The following ASPH variants were observed in gnomAD, a reference collection of about 807,000 sequenced individuals.
The protein encoded by ASPH is aspartyl/asparaginyl beta-hydroxylase.
Under a neutral mutation model 118.4 loss-of-function variants are expected in ASPH, and 100 were observed. That is an observed-to-expected ratio of 0.84 (90% CI 0.72 to 1.00). The LOEUF is 1.00. ASPH is among the 50% of genes least tolerant of loss of function. The pLI is 0.00. For missense variants in ASPH, 920 were observed against 919.5 expected (o/e 1.00, Z -0.01); for synonymous variants, 315 against 325.6 (o/e 0.97, Z 0.35).
chr8:61,646,497 C>T (rs981009952), intron 6 of ASPH, among the ~76,000 whole-genome samples: 1 of 152,060 alleles, frequency 6.6e-6, no homozygotes, highest in Non-Finnish European at 1.5e-5. Context: ...TATAGTAAAA[C>T]TAGTTTCCTC....
rs1369189748 is a variant in ASPH at position 61,567,238 on chromosome 8, G to T, written c.1230C>A (p.Ser410Arg). The T allele has an allele frequency of 1.9e-6, 3 of 1,613,886 alleles. No individual in the cohort carries two copies. The highest frequency in any genetic ancestry group is 2.5e-6 in the Non-Finnish European group (3 of 1,180,006). Residue 410 changes from serine (S) to arginine (R), a missense_variant, in exon 17 of 25, where the codon AGC (serine) becomes AGA (arginine). Transcript: ENST00000379454. The part of the protein sequence containing the change: ...GAIETYQEVA[S>R]LPDVPADLLK... ...GCAGGTCTGCAGGGACATCAGGTAG[G>T]CTGGCCACCTCTTGGTAGGTCTCGA...
Position 61,500,772 on chromosome 8 carries a change from A to AAAG in ASPH, c.*2584_*2586dup, listed in dbSNP as rs1472950611. 3.3e-5 allele frequency: 5 copies of AAAG among 152,234 alleles called. No individual in the cohort carries two copies. Among genetic ancestry groups the AAAG allele is most frequent in the Non-Finnish European group, 7.3e-5 (5 of 68,030 alleles). 9.4% of individuals were successfully genotyped at this position (152,234 alleles called of 1,614,324 possible). A position where few individuals can be genotyped will look rare whatever the true frequency, so the allele number is the denominator to read the frequency against. The stretch of plus-strand genomic sequence containing the variant: ...TTATTAGTATTACCAGTTGGTGCTC[A>AAAG]AAGTCAAACAAAAATATTTTAGTTA... On this transcript the variant is annotated 3_prime_UTR_variant, in exon 25 of 25. Transcript: ENST00000379454.
chr8:61,689,598 A>C, intron 1 of ASPH: 1 of 1,407,740 alleles, frequency 7.1e-7, no homozygotes. Context: ...ATTTTAACAG[A>C]GCACCACTGA....
chr8:61,518,314 C>T (rs1003197100), intron 22 of ASPH, among the ~76,000 whole-genome samples, 191 bp from the exon 23 acceptor site: 4 of 152,208 alleles, frequency 2.6e-5, no homozygotes, highest in Non-Finnish European at 4.4e-5. Context: ...GAAGACGTGT[C>T]TTGCTCCAAT....
chr8:61,646,706 A>C lies in ASPH; in HGVS notation c.619+44T>G, dbSNP rs149922715. On this transcript the variant is annotated intron_variant, in intron 6 of 24. Transcript: ENST00000379454. ...AGAAAAACTTCAGTAATTAGAAGTC[A>C]TTGATTATATTTTATCCTAAAACTT... 12 of 1,569,770 alleles carry C rather than the reference A, an allele frequency of 7.6e-6. No homozygotes were observed. In the African/African-American group the frequency reaches 1.4e-4, roughly 18 times the overall value.
chr8:61,541,204 T>G (rs905988812), intron 21 of ASPH, among the ~76,000 whole-genome samples: 1 of 150,258 alleles, frequency 6.7e-6, no homozygotes, highest in Non-Finnish European at 1.5e-5. Flanking sequence ...TAATTCATAT[T>G]AAAAAAAAAA....
Position 61,501,942 on chromosome 8 carries a change from T to G in ASPH, c.*1417A>C, listed in dbSNP as rs1481485326. On this transcript the variant is annotated 3_prime_UTR_variant, in exon 25 of 25. Coordinates refer to ENST00000379454, the MANE Select transcript of ASPH (RefSeq NM_004318.4). Reference sequence around the variant, plus strand: ...GAACTTTGGTGACCTATATGTGCCATTCATGCAGCATTTTTGTTCATATTG... The same window carrying G: ...GAACTTTGGTGACCTATATGTGCCAGTCATGCAGCATTTTTGTTCATATTG... 1 of 152,224 alleles carries G rather than the reference T, an allele frequency of 6.6e-6. No individual in the cohort carries two copies. Among genetic ancestry groups the G allele is most frequent in the Non-Finnish European group, 1.5e-5 (1 of 68,038 alleles). The allele number at this position is 152,224 out of a possible 1,614,324, so 9.4% of individuals were successfully genotyped here. A position where few individuals can be genotyped will look rare whatever the true frequency, so the allele number is the denominator to read the frequency against.
chr8:61,643,877 G>A, intron 8 of ASPH, 68 bp downstream of exon 8: 1 of 1,220,594 alleles, frequency 8.2e-7, no homozygotes, highest in East Asian at 2.4e-5. Flanking sequence ...TGTTAACCCT[G>A]GAATAAAACG....
At position 61,553,095 on chromosome 8, in the gene ASPH, C is replaced by T; in HGVS notation, c.1562G>A (p.Gly521Asp). 1 of 1,613,546 alleles carries T rather than the reference C, an allele frequency of 6.2e-7. No individual in the cohort carries two copies. Among genetic ancestry groups the T allele is most frequent in the Non-Finnish European group, 8.5e-7 (1 of 1,179,598 alleles). ...LKEGIESGDP[G>D]TDDGRFYFHL... ...GAAATAAAATCTCCCATCATCAGTG[C>T]CAGGATCTCCGGATTCTATTCCTTC... Residue 521 changes from glycine (G) to aspartate (D), a missense_variant, in exon 20 of 25, where the codon GGC becomes GAC. Coordinates refer to ENST00000379454, the MANE Select transcript of ASPH (RefSeq NM_004318.4).
intron 13 of ASPH, among the ~76,000 whole-genome samples, chr8:61,622,763 C>T (rs575176556): frequency 2.0e-5 from 3 of 152,350 alleles, no homozygotes; most frequent in Admixed American, 2.0e-4. Flanking sequence ...AGGCACCCCA[C>T]CTCTCTGACC....
chr8:61,544,665 T>A (rs1008620986), intron 21 of ASPH, among the ~76,000 whole-genome samples: 8 of 152,150 alleles, frequency 5.3e-5, no homozygotes, highest in African/African-American at 1.9e-4. Context: ...CATTTTTAAA[T>A]CCCTGGAGCT....
intron 3 of ASPH, among the ~76,000 whole-genome samples, chr8:61,671,604 G>A (rs572418490): frequency 2.6e-5 from 4 of 151,942 alleles, no homozygotes; most frequent in Non-Finnish European, 4.4e-5. Flanking sequence ...TTTTCTTTTC[G>A]TCCTTTTATA....
Position 61,684,165 on chromosome 8 carries a change from T to C in ASPH, c.127A>G (p.Asn43Asp), listed in dbSNP as rs201019731. 2.5e-6 allele frequency: 4 copies of C among 1,613,226 alleles called. No individual in the cohort carries two copies. In the East Asian group the frequency reaches 8.9e-5, roughly 36 times the overall value. Residue 43 changes from asparagine (N) to aspartate (D), a missense_variant, in exon 2 of 25, where the codon AAT becomes GAT. Coordinates refer to ENST00000379454, the MANE Select transcript of ASPH (RefSeq NM_004318.4). ...CCTGAGAGTCCGCCTTTCCTCCCAT[T>C]CTTGTGTCCTCCATGCTTTGTCTCT... ...RRETKHGGHK[N>D]GRKGGLSGTS... is the part of the protein sequence containing the mutation.
chr8:61,517,874 A>G (rs1312038946), intron 23 of ASPH, among the ~76,000 whole-genome samples, 158 bp downstream of exon 23: 1 of 152,214 alleles, frequency 6.6e-6, no homozygotes, highest in Admixed American at 6.5e-5. Context: ...TCCACCCTCA[A>G]TTCTGACGTC....
intron 13 of ASPH, among the ~76,000 whole-genome samples, chr8:61,620,200 C>CTT (rs577900328): frequency 8.8e-4 from 134 of 152,268 alleles, no homozygotes; most frequent in Non-Finnish European, 1.5e-3. Context: ...AGGCTAAGTG[C>CTT]TAAGCACATC....
chr8:61,555,161 A>C (rs7010694), intron 19 of ASPH, among the ~76,000 whole-genome samples: 150,165 of 152,344 alleles, frequency 0.99, 74,021 homozygotes, highest in Middle Eastern at 1. Context: ...TTTGTTACCT[A>C]ACTTTGTGTG....
At chr8:61,692,947 G>C (rs200119965) in intron 1 of ASPH, among the ~76,000 whole-genome samples, 19 of 125,386 alleles carry the variant, frequency 1.5e-4, no homozygotes, top group South Asian at 9.3e-4. Context: ...CCACCAGAAG[G>C]AAAAAAAAAA....
intron 2 of ASPH, chr8:61,682,622 TC>T: frequency 1.3e-6 from 1 of 751,130 alleles, no homozygotes; most frequent in Non-Finnish European, 2.1e-6. Context: ...GAAATTTGTC[TC>T]CAGACTAAAA....
intron 21 of ASPH, among the ~76,000 whole-genome samples, chr8:61,544,016 G>GCTTTCC (rs1373599224): frequency 1.3e-5 from 2 of 152,202 alleles, no homozygotes; most frequent in Non-Finnish European, 2.9e-5. Context: ...TAGAAAGAGA[G>GCTTTCC]AGGTTTAAAA....
Sources: allele counts gnomAD v4.1 joint callset (sites outside exome capture counted in the v4.1 genomes callset), GRCh38; gene constraint gnomAD v4.1.1; transcripts MANE v1.5; gene names NCBI Gene and HGNC (gene_info 2026-07-23, HGNC 2026-07-21).